Variants in HMSD observed in about 807,000 individuals in gnomAD.
HMSD encodes the protein histocompatibility minor serpin domain containing, also known as serpin-like protein HMSD.
Under a neutral mutation model 10.0 loss-of-function variants are expected in HMSD, and 13 were observed. That is an observed-to-expected ratio of 1.31 (90% CI 0.85 to 2.08). The LOEUF is 2.08. Ranked by LOEUF, HMSD falls within the 30% of genes most tolerant of loss-of-function variation. The pLI, the probability that HMSD is intolerant of heterozygous loss-of-function variation, is 0.00. For missense variants in HMSD, 169 were observed against 166.3 expected, an observed-to-expected ratio of 1.02 and a Z score of -0.09; for synonymous variants, 51 against 54.2, an observed-to-expected ratio of 0.94 and a Z score of 0.26.
At chr18:63,950,951 C>T (rs1251930882) in intron 1 of HMSD, among the ~76,000 whole-genome samples, 2 of 152,224 alleles carry the variant, frequency 1.3e-5, no homozygotes, top group Middle Eastern at 3.4e-3. Context: ...ATAAGCATTA[C>T]CATCACCCTA....
At chr18:63,967,323 G>T (rs1312926934) in intron 3 of HMSD, among the ~76,000 whole-genome samples, 1 of 152,064 alleles carries the variant, frequency 6.6e-6, no homozygotes, top group South Asian at 2.1e-4. Flanking sequence ...TAGCAGAGAC[G>T]GGGTTTCACC....
intron 3 of HMSD, among the ~76,000 whole-genome samples, chr18:63,955,882 G>A (rs1055664149): frequency 1.3e-5 from 2 of 152,196 alleles, no homozygotes; most frequent in Admixed American, 6.5e-5. Context: ...AGTTCCTAGT[G>A]GGATTCACAC....
At chr18:63,953,999 G>A (rs2050344153) in intron 2 of HMSD, among the ~76,000 whole-genome samples, 1 of 152,204 alleles carries the variant, frequency 6.6e-6, no homozygotes, top group African/African-American at 2.4e-5. Flanking sequence ...CACATGGCCA[G>A]CCCAGATTCT....
At chr18:63,961,899 C>A (rs2050388613), downstream of HMSD, 1 of 152,204 alleles carries the variant, frequency 6.6e-6, no homozygotes, top group Non-Finnish European at 1.5e-5. Flanking sequence ...GAGATCCCTC[C>A]TTCACCAACA....
chr18:63,960,082 G>T, intron 3 of HMSD, 76 bp from the exon 4 acceptor site: 1 of 1,314,916 alleles, frequency 7.6e-7, no homozygotes, highest in South Asian at 1.3e-5. Flanking sequence ...ATTTTCTGAT[G>T]TGGCACAATG....
At chr18:63,958,362 C>T (rs1021668216) in intron 3 of HMSD, among the ~76,000 whole-genome samples, 7 of 152,106 alleles carry the variant, frequency 4.6e-5, no homozygotes, top group Non-Finnish European at 8.8e-5. Context: ...GTCACATTTC[C>T]TCTCCATGCC....
At chr18:63,967,506 G>A (rs909293966) in intron 3 of HMSD, among the ~76,000 whole-genome samples, 4 of 152,076 alleles carry the variant, frequency 2.6e-5, no homozygotes, top group African/African-American at 9.7e-5. Flanking sequence ...ATCACCCCAG[G>A]AAGCTCCAAT....
chr18:63,950,144 C>T (rs1271723002), intron 1 of HMSD, among the ~76,000 whole-genome samples: 4 of 152,028 alleles, frequency 2.6e-5, no homozygotes, highest in African/African-American at 9.7e-5. Flanking sequence ...GGGCCAGGCG[C>T]GGTGGCTCAC....
chr18:63,965,346 A>T (rs1036119685), downstream of HMSD, among the ~76,000 whole-genome samples: 13 of 152,340 alleles, frequency 8.5e-5, no homozygotes, highest in South Asian at 1.0e-3. Context: ...CTCCTATTCA[A>T]CTTTCCTATC....
intron 3 of HMSD, among the ~76,000 whole-genome samples, chr18:63,956,146 C>T (rs762604353): frequency 6.6e-6 from 1 of 152,158 alleles, no homozygotes; most frequent in Non-Finnish European, 1.5e-5. Flanking sequence ...AAATAACATT[C>T]TGGACACAGG....
At chr18:63,963,095 T>TTC (rs1568261304), downstream of HMSD, among the ~76,000 whole-genome samples, 159 of 129,324 alleles carry the variant, frequency 1.2e-3, 4 homozygotes, top group African/African-American at 5.5e-3. Flanking sequence ...CTTTCTTTCT[T>TTC]TCTTTCTTTC....
rs1458375762 is a variant in HMSD at position 63,960,500 on chromosome 18, C to T, written c.*145C>T. 8 of 1,256,172 alleles carry T rather than the reference C, an allele frequency of 6.4e-6. No individual in the cohort carries two copies. In the East Asian group the frequency reaches 2.4e-4, roughly 37 times the overall value. The allele number at this position is 1,256,172 out of a possible 1,614,324, so 77.8% of individuals were successfully genotyped here. ...TCTCTCTAGATGAAATAATCTCTTC[C>T]AGGTTTTTTTGCTTGTTAATATTAG... On this transcript the variant is annotated 3_prime_UTR_variant, in exon 4 of 4. Transcript: ENST00000408945.
rs749662389 is a variant in HMSD, at chr18:63,960,152, T to C, written c.223-6T>C. The stretch of plus-strand genomic sequence containing the variant: ...GCTGTGAAATTATGTTTTTGGTTTT[T>C]CCTAGGGTTTTACAGATTCCTGTGG... On this transcript the variant is annotated splice_polypyrimidine_tract_variant and splice_region_variant and intron_variant, in intron 3 of 3. Transcript: ENST00000408945. 2 of 1,608,880 alleles carry C rather than the reference T, an allele frequency of 1.2e-6. No homozygotes were observed. The highest frequency in any genetic ancestry group is 1.1e-5 in the South Asian group (1 of 89,046).
intron 1 of HMSD, 140 bp from the exon 2 acceptor site, chr18:63,953,214 G>A (rs1434373362): frequency 4.7e-6 from 2 of 428,670 alleles, no homozygotes; most frequent in East Asian, 4.3e-5. Flanking sequence ...TGTAAGAAAA[G>A]CCCTAGTGTA....
chr18:63,959,396 TTTC>T (rs1471307399), intron 3 of HMSD, among the ~76,000 whole-genome samples: 2 of 152,214 alleles, frequency 1.3e-5, no homozygotes, highest in Non-Finnish European at 2.9e-5. Flanking sequence ...TCACTTGAGA[TTTC>T]TTCTGTGATT....
At chr18:63,963,060 TTCTTTTCTTTC>T (rs1436805421), downstream of HMSD, among the ~76,000 whole-genome samples, 33 of 126,686 alleles carry the variant, frequency 2.6e-4, 1 homozygote, top group African/African-American at 8.2e-4. Context: ...CTTTCTTTCT[TTCTTTTCTTTC>T]TCTTTCTTTC....
At chr18:63,951,340 T>A (rs2050329389) in intron 1 of HMSD, among the ~76,000 whole-genome samples, 1 of 152,240 alleles carries the variant, frequency 6.6e-6, no homozygotes, top group African/African-American at 2.4e-5. Flanking sequence ...AATTAATTGA[T>A]CATTGACTAA....
chr18:63,950,415 C>CAAAAAAAAAAAAAAAAAAAAA (rs562421091), intron 1 of HMSD, among the ~76,000 whole-genome samples: 2 of 39,068 alleles, frequency 5.1e-5, no homozygotes, highest in African/African-American at 6.5e-5. Flanking sequence ...GACTCTCTCT[C>CAAAAAAAAAAAAAAAAAAAAA]AAAAAAAAAA....
downstream of HMSD, among the ~76,000 whole-genome samples, chr18:63,964,100 T>G (rs1438194954): frequency 6.6e-6 from 1 of 152,246 alleles, no homozygotes; most frequent in Non-Finnish European, 1.5e-5. Flanking sequence ...GTAAGCCAGC[T>G]TTGGCCATCT....
Sources: allele counts gnomAD v4.1 joint callset (sites outside exome capture counted in the v4.1 genomes callset), GRCh38; gene constraint gnomAD v4.1.1; transcripts MANE v1.5; gene names NCBI Gene and HGNC (gene_info 2026-07-23, HGNC 2026-07-21).